Variants in CFAP410 observed in about 807,000 individuals in gnomAD.
CFAP410 encodes the protein cilia- and flagella-associated protein 410.
A neutral mutation model predicts 25.7 loss-of-function variants in CFAP410; 27 were observed. The ratio of observed to expected loss-of-function variants is 1.05; its 90% CI spans 0.77 to 1.45. The LOEUF (loss-of-function observed/expected upper bound fraction) is 1.45, where lower values mean the gene tolerates loss of function less well. Among genes scored for constraint, CFAP410 ranks in the 40% most tolerant of loss-of-function variants. The pLI is 0.00. For missense variants in CFAP410, 428 were observed against 354.1 expected (o/e 1.21, Z -1.67); for synonymous variants, 178 against 158.4 (o/e 1.12, Z -0.93).
chr21:44,338,897 TCCGGCTCCGCCCTCTCCCCGCC>T lies in CFAP410; in HGVS notation c.77+199_77+220del, dbSNP rs1227499704. ...CCCTCGTCCCGCCCCGGCTCCTCCC[TCCGGCTCCGCCCTCTCCCCGCC>T]CCGGCTCCGCCCTCTCCCCGCCCCG... On this transcript the variant is annotated intron_variant, in intron 1 of 6. Transcript: ENST00000339818. 3.5e-3 allele frequency: 153 copies of T among 44,178 alleles called. 26 individuals are homozygous for T. Among genetic ancestry groups the T allele is most frequent in the South Asian group, 0.018 (18 of 1,028 alleles). 2.7% of individuals were successfully genotyped at this position (44,178 alleles called of 1,614,324 possible).
chr21:44,332,313 C>A, intron 4 of CFAP410: 1 of 358,320 alleles, frequency 2.8e-6, no homozygotes, highest in South Asian at 7.6e-5. Context: ...GAAAAAGGAA[C>A]AGACCATATT....
At chr21:44,332,266 A>G (rs2047663959) in intron 4 of CFAP410, 1 of 440,950 alleles carries the variant, frequency 2.3e-6, no homozygotes, top group Admixed American at 4.4e-5. Flanking sequence ...CTTGGCCAGA[A>G]GCAAATACTC....
At chr21:44,335,707 C>T in intron 3 of CFAP410, 51 bp downstream of exon 3, 1 of 1,455,178 alleles carries the variant, frequency 6.9e-7, no homozygotes, top group South Asian at 1.2e-5. Context: ...ACGTGAGGCT[C>T]TGCCCCGGCT....
chr21:44,331,370 C>T (rs552942543), intron 5 of CFAP410: 11 of 247,342 alleles, frequency 4.4e-5, no homozygotes, highest in African/African-American at 1.8e-4. Flanking sequence ...CTGTCAAATG[C>T]GTTCGTGACC....
intron 5 of CFAP410, chr21:44,331,244 T>C (rs983547765): frequency 6.9e-6 from 3 of 434,590 alleles, no homozygotes; most frequent in African/African-American, 2.0e-5. Context: ...CTCCTGACCA[T>C]GGGGTCAGGC....
Position 44,329,812 on chromosome 21 carries a change from T to A in CFAP410, c.*386A>T, listed in dbSNP as rs992963135. 31 of 207,976 alleles carry A rather than the reference T, an allele frequency of 1.5e-4. No homozygotes were observed. Among genetic ancestry groups the A allele is most frequent in the African/African-American group, 5.8e-4 (25 of 42,766 alleles). The allele number at this position is 207,976 out of a possible 1,614,324, so 12.9% of individuals were successfully genotyped here. On this transcript the variant is annotated 3_prime_UTR_variant, in exon 7 of 7. Coordinates refer to ENST00000339818, the MANE Select transcript of CFAP410 (RefSeq NM_004928.3). ...ATCGGCAAAGCCATCCGTGAAGACC[T>A]CCTCATTCTGTGGAGAAACGGCCCT...
At chr21:44,335,852 G>C (rs189695721) in intron 2 of CFAP410, 48 bp from the exon 3 acceptor site, 8 of 1,414,468 alleles carry the variant, frequency 5.7e-6, no homozygotes. Flanking sequence ...GCAGGGCATC[G>C]CGGCCGCACT....
chr21:44,331,375 G>A (rs571139938), intron 5 of CFAP410: 12 of 247,856 alleles, frequency 4.8e-5, no homozygotes, highest in African/African-American at 6.8e-5. Flanking sequence ...AAATGCGTTC[G>A]TGACCCGCTG....
chr21:44,330,095 G>A lies in CFAP410; in HGVS notation c.*103C>T, dbSNP rs1056865687. On this transcript the variant is annotated 3_prime_UTR_variant, in exon 7 of 7. Transcript: ENST00000339818. ...TGTGGCAAACCGGGGAGGCTTTTGT[G>A]TGGGGCCGGGGCTGCGGCCATGGCA... 7.4e-7 allele frequency: 1 copy of A among 1,343,694 alleles called. No homozygotes were observed. Among genetic ancestry groups the A allele is most frequent in the Non-Finnish European group, 1.0e-6 (1 of 991,920 alleles). The allele number at this position is 1,343,694 out of a possible 1,614,324, so 83.2% of individuals were successfully genotyped here.
chr21:44,333,087 A>G lies in CFAP410; in HGVS notation c.319T>C (p.Tyr107His), dbSNP rs763623409. The change falls in exon 4 of 7, where the codon TAC becomes CAC. Residue 107 changes from tyrosine (Y) to histidine (H), a missense_variant. Transcript: ENST00000339818. Reference protein sequence around the residue: ...NPCCGTSPHRYRMTVLRTLPR... With the variant: ...NPCCGTSPHRHRMTVLRTLPR... ...AGGGTGCGCAGCACGGTCATGCGGT[A>G]GCGGTGGGGGCTGGTGCCGCAGCAC... 6.2e-6 allele frequency: 10 copies of G among 1,610,020 alleles called. No homozygotes were observed. In the East Asian group the frequency reaches 2.2e-4, roughly 36 times the overall value.
At chr21:44,330,364 C>T (rs372186065) in intron 6 of CFAP410, 38 bp from the exon 7 acceptor site, 78 of 1,592,726 alleles carry the variant, frequency 4.9e-5, no homozygotes, top group East Asian at 1.1e-4. Flanking sequence ...CCACCCGGCA[C>T]GGCGAGGCTG....
At chr21:44,336,948 T>C (rs966475977) in intron 2 of CFAP410, 8 of 151,636 alleles carry the variant, frequency 5.3e-5, no homozygotes, top group African/African-American at 1.9e-4. Context: ...TAGCCAGGCA[T>C]GGTGGTGGGT....
At chr21:44,334,102 G>T (rs758407596) in intron 3 of CFAP410, 2 of 456,260 alleles carry the variant, frequency 4.4e-6, no homozygotes, top group South Asian at 3.1e-5. Context: ...CCAGGATGGG[G>T]TCTGCCTCAG....
At chr21:44,332,787 G>A in intron 4 of CFAP410, 1 of 553,356 alleles carries the variant, frequency 1.8e-6, no homozygotes, top group South Asian at 2.7e-5. Context: ...AGGTCCTGCG[G>A]TCGTTGGGGG....
intron 6 of CFAP410, 193 bp from the exon 7 acceptor site, chr21:44,330,519 C>T (rs1962939603): frequency 6.5e-7 from 1 of 1,547,582 alleles, no homozygotes; most frequent in Admixed American, 2.0e-5. Context: ...GTGTGTGGCA[C>T]CTCTTCCACG....
Position 44,339,144 on chromosome 21 carries a change from C to T in CFAP410, c.51G>A (p.Leu17=), listed in dbSNP as rs774640383. ...MVLTRAKASE[L]HSVRKLNCWG... ...AGCAGTTGAGCTTGCGCACGCTGTG[C>T]AGCTCCGAGGCCTTGGCCCGGGTCA... is the stretch of plus-strand genomic sequence containing the variant. Residue 17 remains leucine (L), a synonymous_variant, in exon 1 of 7, where the codon CTG becomes CTA. Coordinates refer to ENST00000339818, the MANE Select transcript of CFAP410 (RefSeq NM_004928.3). The T allele has an allele frequency of 1.7e-5, 25 of 1,471,756 alleles. No individual in the cohort carries two copies. In the Admixed American group the frequency reaches 2.2e-4, roughly 13 times the overall value. 91.2% of individuals were successfully genotyped at this position (1,471,756 alleles called of 1,614,324 possible).
In CFAP410 at chr21:44,330,337, AG is replaced by A; in HGVS notation, c.643-12del. 1 of 1,607,970 alleles carries A rather than the reference AG, an allele frequency of 6.2e-7. No homozygotes were observed. The highest frequency in any genetic ancestry group is 8.5e-7 in the Non-Finnish European group (1 of 1,176,910). ...GGCAGTCAGGACGTTCTGAGGGCAG[AG>A]GGGTGCGGACTAAGCCCACCCGGCA... On this transcript the variant is annotated splice_polypyrimidine_tract_variant and intron_variant, in intron 6 of 6. Coordinates refer to ENST00000339818, the MANE Select transcript of CFAP410 (RefSeq NM_004928.3).
In CFAP410 at chr21:44,333,106, G is replaced by A. The variant is rs376705985; in HGVS notation, c.300C>T (p.Cys100=). 32 of 1,609,522 alleles carry A rather than the reference G, an allele frequency of 2.0e-5. No individual in the cohort carries two copies. The highest frequency in any genetic ancestry group is 1.6e-4 in the African/African-American group (12 of 74,890). ...TGCGGTAGCGGTGGGGGCTGGTGCC[G>A]CAGCACGGGTTCTCGGCCAGCCACA... ...RVLWLAENPC[C]GTSPHRYRMT... Residue 100 remains cysteine, a synonymous_variant, in exon 4 of 7, where the codon TGC becomes TGT. Transcript: ENST00000339818.
chr21:44,337,892 T>C lies in CFAP410; in HGVS notation c.78-225A>G, dbSNP rs998623080. 2.6e-5 allele frequency among the ~76,000 whole-genome samples: 4 copies of C among 152,168 alleles called. No individual in the cohort carries two copies. The South Asian group carries it at 8.3e-4, about 31-fold the overall frequency. Reference sequence around the variant, plus strand: ...ATGTTTGACGTTGGGGTGGTACTTTTTAGATAAGGAGCAGCAGGGTTGCTC... The same window carrying C: ...ATGTTTGACGTTGGGGTGGTACTTTCTAGATAAGGAGCAGCAGGGTTGCTC... On this transcript the variant is annotated intron_variant, in intron 1 of 6. Coordinates refer to ENST00000339818, the MANE Select transcript of CFAP410 (RefSeq NM_004928.3).
Sources: allele counts gnomAD v4.1 joint callset (sites outside exome capture counted in the v4.1 genomes callset), GRCh38; gene constraint gnomAD v4.1.1; transcripts MANE v1.5; gene names NCBI Gene and HGNC (gene_info 2026-07-23, HGNC 2026-07-21).